Variants in ANK2 observed in about 807,000 individuals in gnomAD.
ANK2 encodes the protein ankyrin 2.
A neutral mutation model predicts 360.5 loss-of-function variants in ANK2; 83 were observed. The observed-to-expected ratio is 0.23, with a 90% CI of 0.19 to 0.28. The LOEUF (loss-of-function observed/expected upper bound fraction) is 0.28, where lower values mean the gene tolerates loss of function less well. Ranked by LOEUF, ANK2 falls within the 10% of genes least tolerant of loss-of-function variation. The pLI is 1.00. For synonymous variants in ANK2, 1,740 were observed against 1,759.5 expected (o/e 0.99, Z 0.28); for missense variants, 4,201 against 4,795.7 (o/e 0.88, Z 3.66).
In ANK2 at chr4:113,237,106, G is replaced by T. The variant is rs1468313954; in HGVS notation, c.603G>T (p.Arg201Ser). Residue 201 changes from arginine (R) to serine (S), a missense_variant, in exon 6 of 46, where the codon AGG (arginine) becomes AGT (serine). Around this residue, in one of 4 missense-constraint regions of ANK2, gnomAD observed 122 missense variants for 239.3 expected, o/e 0.51. Transcript: ENST00000357077. ...VRLPALHIAA[R>S]KDDTKSAALL... is the part of the protein sequence containing the mutation. ...TGCCAGCTCTGCATATTGCCGCTAG[G>T]AAAGACGACACCAAATCTGCCGCAC... The T allele has an allele frequency of 6.2e-7, 1 of 1,614,040 alleles. No individual in the cohort carries two copies. The highest frequency in any genetic ancestry group is 8.5e-7 in the Non-Finnish European group (1 of 1,180,028).
At chr4:113,223,984 C>G (rs1159515014) in intron 4 of ANK2, among the ~76,000 whole-genome samples, 4 of 152,080 alleles carry the variant, frequency 2.6e-5, no homozygotes, top group Non-Finnish European at 5.9e-5. Flanking sequence ...CAGTTTCTTC[C>G]CCCTGTGAGT....
the ANK2 span, among the ~76,000 whole-genome samples, chr4:112,733,986 G>A: frequency 2.5e-3 from 382 of 152,318 alleles, 2 homozygotes; most frequent in African/African-American, 8.7e-3. Flanking sequence ...TGTTGGCCAG[G>A]CTGGTCTCGA....
rs558142453 is a variant in ANK2, at chr4:113,287,570, T to A, written c.2080-35T>A. ...TAGATGATGCAATGTATTTTCTTCTTCAACTGTATCCCTTTGGTTCCATTC... is the reference window on the plus strand; with the variant it reads ...TAGATGATGCAATGTATTTTCTTCTACAACTGTATCCCTTTGGTTCCATTC... On this transcript the variant is annotated intron_variant, in intron 18 of 45. Coordinates refer to ENST00000357077, the MANE Select transcript of ANK2 (RefSeq NM_001148.6). 463 of 1,454,788 alleles carry A rather than the reference T, an allele frequency of 3.2e-4. 4 individuals are homozygous for A. In the South Asian group the frequency reaches 5.0e-3, roughly 16 times the overall value. The allele number at this position is 1,454,788 out of a possible 1,614,324, so 90.1% of individuals were successfully genotyped here. A position where few individuals can be genotyped will look rare whatever the true frequency, so the allele number is the denominator to read the frequency against.
the ANK2 span, among the ~76,000 whole-genome samples, chr4:112,755,078 C>T: frequency 6.6e-6 from 1 of 152,174 alleles, no homozygotes; most frequent in Non-Finnish European, 1.5e-5. Context: ...CTGTATATGC[C>T]TTGTGGCAAG....
intron 2 of ANK2, among the ~76,000 whole-genome samples, chr4:112,992,298 C>T (rs1190155605): frequency 6.6e-6 from 1 of 152,014 alleles, no homozygotes; most frequent in Non-Finnish European, 1.5e-5. Flanking sequence ...CATGAGTCAC[C>T]ACGCCCGGCT....
intron 2 of ANK2, among the ~76,000 whole-genome samples, chr4:112,912,216 C>G (rs150180073): frequency 6.6e-6 from 1 of 151,086 alleles, no homozygotes; most frequent in South Asian, 2.1e-4. Context: ...ACTTTAGGGA[C>G]GGCAAGTGCA....
chr4:113,166,230 A>G (rs192975830), intron 1 of ANK2, among the ~76,000 whole-genome samples: 1 of 152,136 alleles, frequency 6.6e-6, no homozygotes, highest in Non-Finnish European at 1.5e-5. Context: ...TTAGTGAAAG[A>G]TTTTGTTGCC....
In ANK2 at chr4:113,034,794, C is replaced by T. The variant is rs1174801923; in HGVS notation, c.21+130280C>T. 2.0e-5 allele frequency: 3 copies of T among 151,776 alleles called. No homozygotes were observed. In the East Asian group the frequency reaches 5.8e-4, roughly 29 times the overall value. 9.4% of individuals were successfully genotyped at this position (151,776 alleles called of 1,614,324 possible). A position where few individuals can be genotyped will look rare whatever the true frequency, so the allele number is the denominator to read the frequency against. On this transcript the variant is annotated intron_variant, in intron 2 of 30. Coordinates refer to the ANK2 transcript ENST00000503271. ...ACTACTGGAGTATGAAATTCATTTT[C>T]CTATGGAAGAAATGTTTAAAACAAC...
At chr4:113,145,726 T>C (rs2096803246) in intron 1 of ANK2, 3 of 1,144,818 alleles carry the variant, frequency 2.6e-6, no homozygotes, top group Non-Finnish European at 3.3e-6. Context: ...TGGGGAGAAC[T>C]GGTGAGGGGC....
intron 9 of ANK2, among the ~76,000 whole-genome samples, chr4:113,243,227 A>G (rs965887750): frequency 6.6e-6 from 1 of 152,212 alleles, no homozygotes; most frequent in African/African-American, 2.4e-5. Flanking sequence ...TATGTGGTGT[A>G]AAAAGCCTAT....
At chr4:112,759,715 A>G in the ANK2 span, among the ~76,000 whole-genome samples, 2 of 152,086 alleles carry the variant, frequency 1.3e-5, no homozygotes, top group African/African-American at 4.8e-5. Context: ...AGTCCTCTAG[A>G]CTTGGACATA....
chr4:112,886,640 C>A (rs879579370), intron 1 of ANK2, among the ~76,000 whole-genome samples: 1 of 151,956 alleles, frequency 6.6e-6, no homozygotes, highest in Non-Finnish European at 1.5e-5. Flanking sequence ...CCAGCTTGGG[C>A]GACAGAGCGA....
chr4:112,905,692 C>G (rs1307023146), intron 2 of ANK2, among the ~76,000 whole-genome samples: 1 of 152,200 alleles, frequency 6.6e-6, no homozygotes, highest in Non-Finnish European at 1.5e-5. Context: ...GACAGGGTCT[C>G]CCTCTGTCAC....
chr4:113,046,513 A>G (rs768455668), upstream of ANK2, among the ~76,000 whole-genome samples: 22 of 152,098 alleles, frequency 1.4e-4, no homozygotes, highest in South Asian at 6.2e-4. Flanking sequence ...GTGGCCTTAT[A>G]AAAGGGGTGG....
At chr4:112,908,141 A>G (rs147470502) in intron 2 of ANK2, among the ~76,000 whole-genome samples, 301 of 152,344 alleles carry the variant, frequency 2.0e-3, no homozygotes, top group African/African-American at 6.7e-3. Context: ...AGAAAAGCCA[A>G]TATAAGAAAT....
At chr4:112,770,453 C>T in the ANK2 span, among the ~76,000 whole-genome samples, 1 of 152,242 alleles carries the variant, frequency 6.6e-6, no homozygotes, top group African/African-American at 2.4e-5. Context: ...TGCCTCTAAT[C>T]CCAGCACTTT....
chr4:113,236,791 T>C lies in ANK2; in HGVS notation c.484-196T>C, dbSNP rs147424826. On this transcript the variant is annotated intron_variant, in intron 5 of 45. Coordinates refer to ENST00000357077, the MANE Select transcript of ANK2 (RefSeq NM_001148.6). ...TTTTTCAAAATGTATAGAATAGAAA[T>C]TAGGAAAGCCGTCTGATTAAACTAT... 6.7e-3 allele frequency among the ~76,000 whole-genome samples: 1,022 copies of C among 152,356 alleles called. 7 individuals are homozygous for C. Among genetic ancestry groups the C allele is most frequent in the African/African-American group, 9.3e-3 (385 of 41,582 alleles).
intron 2 of ANK2, among the ~76,000 whole-genome samples, chr4:112,948,730 C>G (rs1377871263): frequency 6.6e-6 from 1 of 152,122 alleles, no homozygotes; most frequent in Non-Finnish European, 1.5e-5. Flanking sequence ...CCATATATAT[C>G]AAAACGTTAT....
At chr4:113,236,190 T>C (rs1402197000) in intron 5 of ANK2, among the ~76,000 whole-genome samples, 2 of 152,156 alleles carry the variant, frequency 1.3e-5, no homozygotes, top group African/African-American at 2.4e-5. Context: ...TATTTTTTAA[T>C]GTACTTGTCA....
Sources: allele counts gnomAD v4.1 joint callset (sites outside exome capture counted in the v4.1 genomes callset), GRCh38; gene constraint gnomAD v4.1.1; regional missense constraint gnomAD v4.1.1; transcripts MANE v1.5; gene names NCBI Gene and HGNC (gene_info 2026-07-23, HGNC 2026-07-21).